The following CFI variants were observed in gnomAD, a reference collection of about 807,000 sequenced individuals.
The protein encoded by CFI is C3B/C4B inactivator.
A neutral mutation model predicts 78.8 loss-of-function variants in CFI; 66 were observed. That is an observed-to-expected ratio of 0.84 (90% CI 0.69 to 1.03). The LOEUF (loss-of-function observed/expected upper bound fraction) is 1.03, where lower values mean the gene tolerates loss of function less well. Among genes scored for constraint, CFI ranks in the 50% least tolerant of loss-of-function variants. The pLI is 0.00. For missense variants in CFI, 706 were observed against 704.5 expected (o/e 1.00, Z -0.02); for synonymous variants, 250 against 232.6 (o/e 1.07, Z -0.68).
At position 109,749,433 on chromosome 4, in the gene CFI, G is replaced by A. The variant is rs1372020875; in HGVS notation, c.1044+66C>T. ...TCTCTTATAATTACATCATCCTCCT[G>A]CCCCTTTCCCCCCAAATTTAGGCTG... On this transcript the variant is annotated intron_variant, in intron 9 of 12. Transcript: ENST00000394634. 3.4e-6 allele frequency: 5 copies of A among 1,481,356 alleles called. No individual in the cohort carries two copies. The East Asian group carries it at 1.1e-4, about 33-fold the overall frequency. 91.8% of individuals were successfully genotyped at this position (1,481,356 alleles called of 1,614,324 possible).
chr4:109,790,881 C>G (rs537497000), intron 1 of CFI, among the ~76,000 whole-genome samples: 1 of 152,262 alleles, frequency 6.6e-6, no homozygotes, highest in Admixed American at 6.5e-5. Context: ...CATGTCTTTG[C>G]TATTGTGAAT....
chr4:109,768,296 A>AAAAATG (rs1728053820), intron 1 of CFI, among the ~76,000 whole-genome samples: 1 of 137,874 alleles, frequency 7.3e-6, no homozygotes, highest in East Asian at 2.1e-4. Context: ...AAAAAAAAAA[A>AAAAATG]GAATGGTATG....
chr4:109,768,718 C>T (rs142577729), intron 1 of CFI, among the ~76,000 whole-genome samples: 28 of 152,282 alleles, frequency 1.8e-4, no homozygotes, highest in African/African-American at 5.5e-4. Flanking sequence ...CAGTGAGCCC[C>T]GCTCCTTCCT....
chr4:109,790,458 A>G (rs55786770), intron 1 of CFI, among the ~76,000 whole-genome samples: 12 of 151,984 alleles, frequency 7.9e-5, no homozygotes, highest in African/African-American at 2.4e-4. Context: ...GGTTTGTTTT[A>G]TAGGTAAATT....
rs563913998 is a variant in CFI at position 109,781,194 on chromosome 4, A to G, written c.58-14370T>C. Among the ~76,000 whole-genome samples the G allele has an allele frequency of 9.8e-5, 15 of 152,326 alleles. No homozygotes were observed. In the South Asian group the frequency reaches 3.1e-3, roughly 32 times the overall value. Reference sequence around the variant, plus strand: ...CTTTTTGACCCAATGAAATTGGAAAAAAAAGTTAAAGATAAATGAAACAAG... The same window carrying G: ...CTTTTTGACCCAATGAAATTGGAAAGAAAAGTTAAAGATAAATGAAACAAG... On this transcript the variant is annotated intron_variant, in intron 1 of 12. Coordinates refer to ENST00000394634, the MANE Select transcript of CFI (RefSeq NM_000204.5).
chr4:109,792,808 A>G (rs10029485), intron 1 of CFI, among the ~76,000 whole-genome samples: 27,731 of 151,750 alleles, frequency 0.18, 4,852 homozygotes, highest in African/African-American at 0.44. Flanking sequence ...CTCTTTTTTG[A>G]TTGTTATTTG....
downstream of CFI, among the ~76,000 whole-genome samples, chr4:109,739,542 G>A (rs1158351249): frequency 2.6e-5 from 4 of 151,906 alleles, no homozygotes; most frequent in South Asian, 2.1e-4. Flanking sequence ...GGTCGGGTGG[G>A]GGTGCTATTT....
chr4:109,737,136 C>T (rs1723419041), downstream of CFI, among the ~76,000 whole-genome samples: 1 of 152,108 alleles, frequency 6.6e-6, no homozygotes, highest in Non-Finnish European at 1.5e-5. Flanking sequence ...CTTCCATACC[C>T]TCTCTCACCC....
chr4:109,764,619 G>C lies in CFI; in HGVS notation c.400C>G (p.Gln134Glu). 1.2e-6 allele frequency: 2 copies of C among 1,613,904 alleles called. No homozygotes were observed. The highest frequency in any genetic ancestry group is 1.7e-6 in the Non-Finnish European group (2 of 1,179,930). ...EGIVEVKLVD[Q>E]DKTMFICKSS... ...TTGCATATGAACATTGTCTTATCTTGGTCCACAAGTTTTACTTCAACTATT... is the reference window on the plus strand; with the variant it reads ...TTGCATATGAACATTGTCTTATCTTCGTCCACAAGTTTTACTTCAACTATT... Residue 134 changes from glutamine (Q) to glutamate (E), a missense_variant, in exon 3 of 13, where the codon CAA becomes GAA. Gln to Glu is a conservative substitution (Grantham distance 29, BLOSUM62 2). Transcript: ENST00000394634.
intron 5 of CFI, 66 bp downstream of exon 5, chr4:109,760,457 A>G: frequency 6.7e-7 from 1 of 1,496,574 alleles, no homozygotes; most frequent in Non-Finnish European, 9.3e-7. Context: ...TCAATAGTAA[A>G]GTTGCTTTTC....
chr4:109,738,904 G>A (rs1723539319), downstream of CFI, among the ~76,000 whole-genome samples: 1 of 152,162 alleles, frequency 6.6e-6, no homozygotes, highest in African/African-American at 2.4e-5. Flanking sequence ...GAATTTAATG[G>A]ATGAAAAATC....
chr4:109,732,469 A>C, the CFI span, among the ~76,000 whole-genome samples: 5 of 152,216 alleles, frequency 3.3e-5, no homozygotes, highest in Non-Finnish European at 7.3e-5. Context: ...ATGCTGTTAA[A>C]TACCAGGGAT....
At chr4:109,760,406 T>A in intron 5 of CFI, 26 bp from the exon 6 acceptor site, 1 of 1,586,614 alleles carries the variant, frequency 6.3e-7, no homozygotes, top group East Asian at 2.2e-5. Context: ...CAGGAGAGGT[T>A]TTTTTCATTC....
rs142549996 is a variant in CFI at position 109,766,502 on chromosome 4, T to C, written c.328+52A>G. ...TTATTTTCTGATAGAAAGTATGGCATACAAATACCCTTTTATATCATAGAA... is the reference window on the plus strand; with the variant it reads ...TTATTTTCTGATAGAAAGTATGGCACACAAATACCCTTTTATATCATAGAA... On this transcript the variant is annotated intron_variant, in intron 2 of 12. Transcript: ENST00000394634. 1.6e-3 allele frequency: 2,551 copies of C among 1,599,204 alleles called. 7 individuals are homozygous for C. The highest frequency in any genetic ancestry group is 2.0e-3 in the Non-Finnish European group (2,306 of 1,166,830).
In CFI at chr4:109,746,394, T is replaced by C. The variant is rs1426908063; in HGVS notation, c.1257A>G (p.Glu419=). ...IEYVDRIIFH[E]NYNAGTYQND... is the part of the protein sequence containing the mutation. ...TTTGGTAAGTGCCTGCATTGTAGTT[T>C]TCATGGAAAATAATTCTATCCACGT... The change falls in exon 11 of 13, where the codon GAA becomes GAG. Residue 419 remains glutamate, a synonymous_variant. Transcript: ENST00000394634. The C allele has an allele frequency of 6.2e-7, 1 of 1,614,062 alleles. No individual in the cohort carries two copies. The highest frequency in any genetic ancestry group is 8.5e-7 in the Non-Finnish European group (1 of 1,180,038).
intron 9 of CFI, 39 bp from the exon 10 acceptor site, chr4:109,749,360 GAT>G (rs1724858957): frequency 6.4e-7 from 1 of 1,567,318 alleles, no homozygotes; most frequent in Non-Finnish European, 8.8e-7. Flanking sequence ...CATTCTAACA[GAT>G]AGCGATACAA....
At chr4:109,732,485 C>A in the CFI span, among the ~76,000 whole-genome samples, 99 of 152,356 alleles carry the variant, frequency 6.5e-4, no homozygotes, top group African/African-American at 2.2e-3. Context: ...GGGATCTGCA[C>A]TGACCACAGA....
chr4:109,740,740 C>T lies in CFI; in HGVS notation c.*153G>A, dbSNP rs779040338. 1.3e-6 allele frequency: 1 copy of T among 756,584 alleles called. No individual in the cohort carries two copies. Among genetic ancestry groups the T allele is most frequent in the South Asian group, 1.5e-5 (1 of 65,362 alleles). 46.9% of individuals were successfully genotyped at this position (756,584 alleles called of 1,614,324 possible). A position where few individuals can be genotyped will look rare whatever the true frequency, so the allele number is the denominator to read the frequency against. On this transcript the variant is annotated 3_prime_UTR_variant, in exon 13 of 13. Transcript: ENST00000394634. ...ATTTGAGAATTATACAACAAAATTC[C>T]AATATGGCATAAACTCTGTGGAGAC...
At position 109,764,730 on chromosome 4, in the gene CFI, T is replaced by C. The variant is rs538328068; in HGVS notation, c.329-40A>G. 3.8e-6 allele frequency: 6 copies of C among 1,572,106 alleles called. No homozygotes were observed. In the Middle Eastern group the frequency reaches 1.0e-3, roughly 262 times the overall value. On this transcript the variant is annotated intron_variant, in intron 2 of 12. Coordinates refer to ENST00000394634, the MANE Select transcript of CFI (RefSeq NM_000204.5). The stretch of plus-strand genomic sequence containing the variant: ...CAAAATAATGTGCAATATGTAGCCA[T>C]TCACTTTTTTCTCTTAATTAAAAGT...
Sources: gnomAD v4.1 joint callset for allele counts (sites outside exome capture counted in the v4.1 genomes callset) on GRCh38, gnomAD v4.1.1 for gene constraint, MANE v1.5 for transcripts, NCBI Gene and HGNC (gene_info 2026-07-23, HGNC 2026-07-21) for gene names.